Variants in CACNB4 observed in about 807,000 individuals in gnomAD.
CACNB4 encodes the protein calcium voltage-gated channel auxiliary subunit beta 4.
CACNB4 carries 32 observed loss-of-function variants against 71.2 expected under a neutral mutation model. The ratio of observed to expected loss-of-function variants is 0.45; its 90% CI spans 0.34 to 0.60. The LOEUF (loss-of-function observed/expected upper bound fraction) is 0.60, where lower values mean the gene tolerates loss of function less well. Ranked by LOEUF, CACNB4 falls within the 20% of genes least tolerant of loss-of-function variation. CACNB4 has a pLI of 0.01. For synonymous variants in CACNB4, 231 were observed against 236.9 expected (o/e 0.97, Z 0.23); for missense variants, 464 against 647.9 (o/e 0.72, Z 3.08).
At chr2:151,892,768 C>T (rs567693954) in intron 2 of CACNB4, among the ~76,000 whole-genome samples, 3 of 152,266 alleles carry the variant, frequency 2.0e-5, no homozygotes, top group African/African-American at 7.2e-5. Context: ...AAACTATTTG[C>T]TGAATGAAAG....
At chr2:152,035,672 T>C (rs568864857) in intron 2 of CACNB4, among the ~76,000 whole-genome samples, 1 of 151,266 alleles carries the variant, frequency 6.6e-6, no homozygotes, top group East Asian at 1.9e-4. Flanking sequence ...TATATATGTA[T>C]GTATGTATTA....
chr2:152,003,082 G>A (rs964559753), intron 2 of CACNB4, among the ~76,000 whole-genome samples: 12 of 152,176 alleles, frequency 7.9e-5, no homozygotes, highest in Admixed American at 7.9e-4. Context: ...AGTTTTGCCT[G>A]ATACCATTTT....
intron 2 of CACNB4, among the ~76,000 whole-genome samples, chr2:151,966,276 T>C (rs2099871082): frequency 1.3e-5 from 2 of 151,726 alleles, no homozygotes; most frequent in South Asian, 2.1e-4. Flanking sequence ...TCTTTCTTTT[T>C]CTTTTATTTA....
At chr2:151,964,742 A>G (rs1245164753) in intron 2 of CACNB4, among the ~76,000 whole-genome samples, 3 of 152,232 alleles carry the variant, frequency 2.0e-5, no homozygotes, top group African/African-American at 7.2e-5. Context: ...TTGGCACTCT[A>G]GGAATATGCA....
At chr2:152,025,092 A>G (rs936257641) in intron 2 of CACNB4, among the ~76,000 whole-genome samples, 3 of 152,154 alleles carry the variant, frequency 2.0e-5, no homozygotes, top group Admixed American at 6.5e-5. Context: ...TTGCAAAACC[A>G]GAAATCTGAG....
intron 2 of CACNB4, among the ~76,000 whole-genome samples, chr2:152,084,385 G>A (rs1160976261): frequency 6.6e-6 from 1 of 152,184 alleles, no homozygotes; most frequent in Non-Finnish European, 1.5e-5. Flanking sequence ...ACTGAGGAAG[G>A]CACAGCTCCT....
Position 152,098,503 on chromosome 2 carries a change from A to C in CACNB4, c.64-90T>G, listed in dbSNP as rs1243072610. 1.4e-6 allele frequency: 2 copies of C among 1,393,032 alleles called. No individual in the cohort carries two copies. Among genetic ancestry groups the C allele is most frequent in the Non-Finnish European group, 2.0e-6 (2 of 981,546 alleles). The allele number at this position is 1,393,032 out of a possible 1,614,324, so 86.3% of individuals were successfully genotyped here. A position where few individuals can be genotyped will look rare whatever the true frequency, so the allele number is the denominator to read the frequency against. On this transcript the variant is annotated intron_variant, in intron 1 of 13. Transcript: ENST00000539935. This position sits in a 1 kb window ranked among gnomAD's most constrained non-coding sequence, Gnocchi z 5.3. ...ACCCCCGGCTGGAGTCCGCCTCCGG[A>C]CCCGCTCCCTGGGGTCCCCTAGAGC...
At chr2:151,951,888 T>C (rs913766739) in intron 2 of CACNB4, among the ~76,000 whole-genome samples, 6 of 152,156 alleles carry the variant, frequency 3.9e-5, no homozygotes, top group African/African-American at 1.4e-4. Context: ...TCCTTAGGCA[T>C]ACTGAGAACT....
At chr2:151,932,871 A>C (rs1436621950) in intron 2 of CACNB4, among the ~76,000 whole-genome samples, 1 of 150,924 alleles carries the variant, frequency 6.6e-6, no homozygotes, top group Non-Finnish European at 1.5e-5. Flanking sequence ...ATTTGGACAC[A>C]GGGACAGACA....
Position 151,870,628 on chromosome 2 carries a change from G to T in CACNB4, c.619-17C>A. Reference sequence around the variant, plus strand: ...GTGCTCCGTCTGAAAAAGATGATTCGACACGCGTGACAAGGTGAGGTTGAG... The same window carrying T: ...GTGCTCCGTCTGAAAAAGATGATTCTACACGCGTGACAAGGTGAGGTTGAG... On this transcript the variant is annotated splice_polypyrimidine_tract_variant and intron_variant, in intron 7 of 13. Transcript: ENST00000539935. The T allele has an allele frequency of 6.3e-7, 1 of 1,598,866 alleles. No homozygotes were observed. The highest frequency in any genetic ancestry group is 8.6e-7 in the Non-Finnish European group (1 of 1,167,984).
At chr2:151,887,392 A>G (rs2099849624) in intron 2 of CACNB4, among the ~76,000 whole-genome samples, 1 of 151,782 alleles carries the variant, frequency 6.6e-6, no homozygotes, top group African/African-American at 2.4e-5. Context: ...AGGTCACAGC[A>G]CAGCACTCCA....
intron 2 of CACNB4, among the ~76,000 whole-genome samples, chr2:151,990,177 A>C (rs1239133553): frequency 6.6e-6 from 1 of 152,218 alleles, no homozygotes; most frequent in Non-Finnish European, 1.5e-5. Context: ...TTTCAGGAAA[A>C]AATTACAAGC....
Position 151,833,882 on chromosome 2 carries a change from T to C in CACNB4, c.*5237A>G, listed in dbSNP as rs1476807951. On this transcript the variant is annotated 3_prime_UTR_variant, in exon 14 of 14. Coordinates refer to ENST00000539935, the MANE Select transcript of CACNB4 (RefSeq NM_000726.5). ...ATTTTTCTACTGCTAATGCAGATTA[T>C]AAGTAACAACATAGATTTATTTTGG... The C allele has an allele frequency of 6.6e-6, 1 of 152,112 alleles. No individual in the cohort carries two copies. The highest frequency in any genetic ancestry group is 1.9e-4 in the East Asian group (1 of 5,200). The allele number at this position is 152,112 out of a possible 1,614,324, so 9.4% of individuals were successfully genotyped here. A position where few individuals can be genotyped will look rare whatever the true frequency, so the allele number is the denominator to read the frequency against.
At chr2:151,894,780 A>G (rs1420021605) in intron 2 of CACNB4, among the ~76,000 whole-genome samples, 1 of 152,188 alleles carries the variant, frequency 6.6e-6, no homozygotes, top group Non-Finnish European at 1.5e-5. Flanking sequence ...TCGCTGAAAA[A>G]GGAATCAAGA....
intron 2 of CACNB4, among the ~76,000 whole-genome samples, chr2:152,013,106 G>A (rs1683151065): frequency 6.6e-6 from 1 of 152,154 alleles, no homozygotes. Context: ...TTGTAGCTAG[G>A]AGCAACAGGC....
intron 2 of CACNB4, among the ~76,000 whole-genome samples, chr2:152,048,263 G>A (rs1003107103): frequency 2.0e-5 from 3 of 152,104 alleles, no homozygotes; most frequent in Non-Finnish European, 2.9e-5. Context: ...TCCCTGGGGG[G>A]CAAAATCACC....
chr2:151,941,381 A>C (rs2099864198), intron 2 of CACNB4, among the ~76,000 whole-genome samples: 3 of 150,530 alleles, frequency 2.0e-5, no homozygotes, highest in Admixed American at 2.0e-4. Context: ...TCCTGGGTTC[A>C]AGCAATTCTC....
Position 152,098,959 on chromosome 2 carries a change from G to A in CACNB4, c.53C>T (p.Pro18Leu). The A allele has an allele frequency of 6.6e-7, 1 of 1,524,194 alleles. No individual in the cohort carries two copies. The allele number at this position is 1,524,194 out of a possible 1,614,324, so 94.4% of individuals were successfully genotyped here. Residue 18 changes from proline (P) to leucine (L), a missense_variant, in exon 1 of 14, where the codon CCC (proline) becomes CTC (leucine). Pro to Leu is a moderately conservative substitution (Grantham distance 98). Transcript: ENST00000539935. The surrounding 1 kb of genome is among the most constrained non-coding windows in gnomAD (Gnocchi z 5.3). ...AGGAGGGGGCGGTACCTGCGAGGTG[G>A]GGGAGTGCGGCCCGTCCGCGGTCCC... is the stretch of plus-strand genomic sequence containing the variant. ...KNGTADGPHS[P>L]TSQVARGTTT...
At chr2:151,926,415 G>A (rs1560008955) in intron 2 of CACNB4, among the ~76,000 whole-genome samples, 1 of 152,194 alleles carries the variant, frequency 6.6e-6, no homozygotes, top group East Asian at 1.9e-4. Context: ...GGGGGCAAAA[G>A]CCTGATCAGA....
Sources: gnomAD v4.1 joint callset for allele counts (sites outside exome capture counted in the v4.1 genomes callset) on GRCh38, gnomAD v4.1.1 for gene constraint, Gnocchi (gnomAD v3.1) non-coding constraint, MANE v1.5 for transcripts, NCBI Gene and HGNC (gene_info 2026-07-23, HGNC 2026-07-21) for gene names.